The following SIK3 variants were observed in gnomAD, a reference collection of about 807,000 sequenced individuals.
SIK3 encodes serine/threonine-protein kinase SIK3.
SIK3 carries 28 observed loss-of-function variants against 144.2 expected under a neutral mutation model. The observed-to-expected ratio is 0.19, with a 90% confidence interval of 0.14 to 0.27. The LOEUF (loss-of-function observed/expected upper bound fraction) is 0.27. SIK3 is among the 10% of genes least tolerant of loss of function. SIK3 has a pLI of 1.00. For missense variants in SIK3, 1,319 were observed against 1,776.0 expected, an observed-to-expected ratio of 0.74 and a Z score of 4.62; for synonymous variants, 686 against 676.3, an observed-to-expected ratio of 1.01 and a Z score of -0.22.
At chr11:117,068,346 C>T (rs1954109228) in intron 1 of SIK3, among the ~76,000 whole-genome samples, 1 of 152,154 alleles carries the variant, frequency 6.6e-6, no homozygotes. Context: ...ATCTATTCTC[C>T]ACCAAACATA....
At chr11:117,045,473 C>G (rs1232941476) in intron 1 of SIK3, among the ~76,000 whole-genome samples, 1 of 152,180 alleles carries the variant, frequency 6.6e-6, no homozygotes, top group Non-Finnish European at 1.5e-5. Context: ...GTTTCCACCT[C>G]TGACCTATAA....
chr11:117,026,976 G>T (rs190827467), intron 1 of SIK3, among the ~76,000 whole-genome samples: 7 of 152,242 alleles, frequency 4.6e-5, no homozygotes, highest in Admixed American at 4.6e-4. Flanking sequence ...GAATTTCTAG[G>T]GCTAATGCAA....
chr11:116,917,868 A>AAGGAAAGGAC (rs1265986257), intron 4 of SIK3, among the ~76,000 whole-genome samples: 1 of 151,804 alleles, frequency 6.6e-6, no homozygotes. Flanking sequence ...AAGGAAAGGA[A>AAGGAAAGGAC]AGGGAGAAAC....
chr11:117,074,817 C>A (rs1954436404), intron 1 of SIK3, among the ~76,000 whole-genome samples: 1 of 151,646 alleles, frequency 6.6e-6, no homozygotes, highest in Non-Finnish European at 1.5e-5. Flanking sequence ...ATCCCAGCTA[C>A]TGAGGGGACT....
intron 1 of SIK3, among the ~76,000 whole-genome samples, chr11:116,969,289 C>CAAA (rs60102923): frequency 3.3e-4 from 24 of 73,600 alleles, no homozygotes; most frequent in South Asian, 1.0e-3. Context: ...GACTCCGTCT[C>CAAA]AAAAAAAAAA....
At chr11:116,855,083 CAAAAA>C (rs528405922) in intron 21 of SIK3, among the ~76,000 whole-genome samples, 5 of 82,146 alleles carry the variant, frequency 6.1e-5, no homozygotes, top group African/African-American at 2.2e-4. Flanking sequence ...GAGACTCTGC[CAAAAA>C]AAAAAAAAAA....
chr11:116,987,269 T>C (rs1161197814), intron 1 of SIK3, among the ~76,000 whole-genome samples: 1 of 150,738 alleles, frequency 6.6e-6, no homozygotes. Context: ...TCAAACAAAT[T>C]CCTGGCCAGC....
intron 1 of SIK3, among the ~76,000 whole-genome samples, chr11:117,080,867 G>A (rs1436998643): frequency 6.6e-6 from 1 of 152,082 alleles, no homozygotes; most frequent in African/African-American, 2.4e-5. Context: ...AGAATCACTC[G>A]AATCTGGGAG....
intron 1 of SIK3, among the ~76,000 whole-genome samples, chr11:117,027,357 T>C (rs1952055025): frequency 6.6e-6 from 1 of 152,252 alleles, no homozygotes; most frequent in African/African-American, 2.4e-5. Context: ...TATCTGCATG[T>C]TTCATCATCC....
chr11:117,030,459 A>G (rs79257193), intron 1 of SIK3, among the ~76,000 whole-genome samples: 10,739 of 152,246 alleles, frequency 0.071, 669 homozygotes, highest in African/African-American at 0.17. Context: ...AAGTGATAAA[A>G]ATACTCATGA....
At position 116,875,248 on chromosome 11, in the gene SIK3, A is replaced by C. The variant is rs1338860791; in HGVS notation, c.1337T>G (p.Leu446Trp). 8.7e-6 allele frequency: 14 copies of C among 1,614,080 alleles called. No individual in the cohort carries two copies. Among genetic ancestry groups the C allele is most frequent in the Non-Finnish European group, 1.2e-5 (14 of 1,180,040 alleles). ...AGGCTCTTCACCCTCATCACTGTCC[A>C]AATTCAGTGTCCCATCCGGCTGAGG... ...QIVEPDGTLN[L>W]DSDEGEEPSP... The change falls in exon 11 of 25, where the codon TTG becomes TGG. Residue 446 changes from leucine to tryptophan, a missense_variant. Around this residue, in one of 8 missense-constraint regions of SIK3, gnomAD observed 167 missense variants for 263.3 expected, o/e 0.63. Coordinates refer to ENST00000445177, the MANE Select transcript of SIK3 (RefSeq NM_001366686.3).
rs750224988 is a variant in SIK3, at chr11:117,093,802, C to CT, written c.273+4340dup. On this transcript the variant is annotated intron_variant, in intron 1 of 24. Transcript: ENST00000445177. ...AAGTGGCACCTGCAATAGTAGCAAA[C>CT]TTTTTTTTTACCAGGAAAGTCTATC... is the stretch of plus-strand genomic sequence containing the variant. Among the ~76,000 whole-genome samples, 48 of 151,428 alleles carry CT rather than the reference C, an allele frequency of 3.2e-4. No homozygotes were observed. The Middle Eastern group carries it at 0.014, about 43-fold the overall frequency.
chr11:117,085,505 T>C (rs1954965340), intron 1 of SIK3, among the ~76,000 whole-genome samples: 1 of 152,060 alleles, frequency 6.6e-6, no homozygotes, highest in Non-Finnish European at 1.5e-5. Flanking sequence ...ACCGATGAAA[T>C]GAAAGGATTC....
At chr11:117,058,974 C>G (rs988994598) in intron 1 of SIK3, among the ~76,000 whole-genome samples, 1 of 152,240 alleles carries the variant, frequency 6.6e-6, no homozygotes, top group East Asian at 1.9e-4. Context: ...TTATGGCATC[C>G]ATATGGGATA....
intron 13 of SIK3, among the ~76,000 whole-genome samples, chr11:116,870,630 A>G (rs1263595260): frequency 6.6e-6 from 1 of 152,212 alleles, no homozygotes; most frequent in East Asian, 1.9e-4. Context: ...TCATTCATTT[A>G]TTAATCTAAC....
chr11:116,848,211 G>A (rs1056677749), intron 22 of SIK3, among the ~76,000 whole-genome samples: 12 of 96,868 alleles, frequency 1.2e-4, no homozygotes, highest in African/African-American at 4.2e-4. Context: ...ACAAAAAAGG[G>A]TGGCGGGCGC....
In SIK3 at chr11:116,875,279, G is replaced by A; in HGVS notation, c.1318-12C>T. 1 of 1,613,754 alleles carries A rather than the reference G, an allele frequency of 6.2e-7. No homozygotes were observed. Among genetic ancestry groups the A allele is most frequent in the Non-Finnish European group, 8.5e-7 (1 of 1,179,708 alleles). ...AGTGTCCCATCCGGCTGAGGTGGAGGGAAACACCATCGAGTTAGAAATCAG... is the reference window on the plus strand; with the variant it reads ...AGTGTCCCATCCGGCTGAGGTGGAGAGAAACACCATCGAGTTAGAAATCAG... On this transcript the variant is annotated splice_polypyrimidine_tract_variant and intron_variant, in intron 10 of 24. Coordinates refer to ENST00000445177, the MANE Select transcript of SIK3 (RefSeq NM_001366686.3).
intron 6 of SIK3, among the ~76,000 whole-genome samples, chr11:116,881,242 G>C (rs953661563): frequency 2.6e-5 from 4 of 151,924 alleles, no homozygotes; most frequent in African/African-American, 9.7e-5. Flanking sequence ...TTTGGGCAAT[G>C]CAAGAATATG....
Position 116,860,031 on chromosome 11 carries a change from G to C in SIK3, c.2426-427C>G, listed in dbSNP as rs182478631. Among the ~76,000 whole-genome samples the C allele has an allele frequency of 5.1e-3, 772 of 152,272 alleles. 7 individuals carry two copies. Among genetic ancestry groups the C allele is most frequent in the African/African-American group, 0.018 (731 of 41,542 alleles). On this transcript the variant is annotated intron_variant, in intron 19 of 24. Transcript: ENST00000445177. ...GGAGGCCGAGGTGGGCGGATCATGA[G>C]GTCAGGAGTTCGAGACCAGCCTGGC...
Sources: allele counts gnomAD v4.1 joint callset (sites outside exome capture counted in the v4.1 genomes callset), GRCh38; gene constraint gnomAD v4.1.1; regional missense constraint gnomAD v4.1.1; transcripts MANE v1.5; gene names NCBI Gene and HGNC (gene_info 2026-07-23, HGNC 2026-07-21).